Variants in GGACT observed in about 807,000 individuals in gnomAD.
GGACT encodes the protein gamma-glutamylaminecyclotransferase.
For synonymous variants in GGACT, 118 were observed against 115.3 expected (o/e 1.02, Z -0.15); for missense variants, 241 against 233.2 (o/e 1.03, Z -0.22).
chr13:100,558,732 C>T (rs989038867), intron 2 of GGACT, among the ~76,000 whole-genome samples: 6 of 152,144 alleles, frequency 3.9e-5, no homozygotes, highest in South Asian at 2.1e-4. Context: ...ATAAGCCAGG[C>T]GTAGAAAGAC....
chr13:100,574,744 G>A (rs1402653617), intron 2 of GGACT, among the ~76,000 whole-genome samples: 2 of 151,996 alleles, frequency 1.3e-5, no homozygotes, highest in Non-Finnish European at 2.9e-5. Flanking sequence ...CACTACCTGG[G>A]TACAATATGC....
chr13:100,586,741 T>C (rs1292739736), intron 1 of GGACT: 1 of 152,332 alleles, frequency 6.6e-6, no homozygotes, highest in Non-Finnish European at 1.5e-5. Flanking sequence ...GTTCTAGCTA[T>C]TTACCAGGTC....
chr13:100,543,329 T>C (rs2088572748), intron 2 of GGACT, among the ~76,000 whole-genome samples: 1 of 148,040 alleles, frequency 6.8e-6, no homozygotes, highest in Non-Finnish European at 1.5e-5. Context: ...TGCCTCAGCC[T>C]CCTGAGTAGC....
intron 2 of GGACT, among the ~76,000 whole-genome samples, chr13:100,555,032 T>G (rs770646946): frequency 4.6e-5 from 7 of 152,238 alleles, no homozygotes; most frequent in African/African-American, 1.7e-4. Context: ...AAGCCCTGTA[T>G]CTACTCACAG....
chr13:100,558,212 C>T (rs951839993), intron 2 of GGACT, among the ~76,000 whole-genome samples: 8 of 145,238 alleles, frequency 5.5e-5, no homozygotes. Flanking sequence ...GTGGGCAAAA[C>T]AGCCAGGTGC....
intron 2 of GGACT, among the ~76,000 whole-genome samples, chr13:100,573,354 T>C (rs374289570): frequency 8.5e-5 from 13 of 152,176 alleles, no homozygotes; most frequent in African/African-American, 2.4e-4. Context: ...TGTGACTTCA[T>C]TGAAACAATC....
At chr13:100,540,275 T>A in intron 2 of GGACT, 1 of 1,150,836 alleles carries the variant, frequency 8.7e-7, no homozygotes, top group Non-Finnish European at 1.3e-6. Flanking sequence ...GGAGAGAGAG[T>A]GGGCTTTTCT....
rs572347205 is a variant in GGACT at position 100,564,110 on chromosome 13, C to T, written c.-11+19715G>A. ...TTCAACGCTGATGTTCTAGGTCCCT[C>T]GCAAGAGAGTTGGATTTAGTAATTT... On this transcript the variant is annotated intron_variant, in intron 2 of 2. Coordinates refer to ENST00000683975, the MANE Select transcript of GGACT (RefSeq NM_001195087.2). Among the ~76,000 whole-genome samples the T allele has an allele frequency of 2.0e-5, 3 of 152,212 alleles. No individual in the cohort carries two copies. The South Asian group carries it at 6.2e-4, about 32-fold the overall frequency.
intron 2 of GGACT, among the ~76,000 whole-genome samples, chr13:100,568,207 C>G (rs1874966396): frequency 6.6e-6 from 1 of 152,210 alleles, no homozygotes; most frequent in African/African-American, 2.4e-5. Flanking sequence ...TATTTATTGG[C>G]CAACATCCTG....
intron 2 of GGACT, among the ~76,000 whole-genome samples, chr13:100,579,707 G>C (rs1875357176): frequency 6.6e-6 from 1 of 152,156 alleles, no homozygotes; most frequent in East Asian, 1.9e-4. Flanking sequence ...TTTTCCAAAT[G>C]AATTTCCACA....
chr13:100,556,978 C>T (rs191060359), intron 2 of GGACT, among the ~76,000 whole-genome samples: 252 of 152,242 alleles, frequency 1.7e-3, no homozygotes, highest in Middle Eastern at 3.4e-3. Context: ...CAACCTCCAC[C>T]TCCCAGGTTC....
chr13:100,551,416 G>A (rs2088663476), intron 2 of GGACT, among the ~76,000 whole-genome samples: 1 of 152,206 alleles, frequency 6.6e-6, no homozygotes, highest in South Asian at 2.1e-4. Context: ...CCGTGGCAAG[G>A]TGAGGAGGCC....
At chr13:100,560,389 T>C (rs1248172081) in intron 2 of GGACT, among the ~76,000 whole-genome samples, 2 of 152,178 alleles carry the variant, frequency 1.3e-5, no homozygotes, top group East Asian at 3.9e-4. Context: ...CCATAAACAT[T>C]AAGCCTTTTC....
intron 2 of GGACT, among the ~76,000 whole-genome samples, chr13:100,583,599 C>G (rs1271024756): frequency 6.6e-6 from 1 of 152,100 alleles, no homozygotes; most frequent in Non-Finnish European, 1.5e-5. Context: ...AGTGTAATCA[C>G]AGCTCACTGC....
At chr13:100,576,591 G>A (rs1445751622) in intron 2 of GGACT, among the ~76,000 whole-genome samples, 3 of 152,192 alleles carry the variant, frequency 2.0e-5, no homozygotes, top group South Asian at 2.1e-4. Context: ...ACATCCAGAC[G>A]ATGGCGATAA....
At chr13:100,582,482 G>A (rs1875449164) in intron 2 of GGACT, among the ~76,000 whole-genome samples, 1 of 152,196 alleles carries the variant, frequency 6.6e-6, no homozygotes, top group Non-Finnish European at 1.5e-5. Flanking sequence ...ACAGATGTGA[G>A]GACCTTGAGG....
chr13:100,553,925 T>G (rs2088690185), intron 2 of GGACT, among the ~76,000 whole-genome samples: 1 of 151,420 alleles, frequency 6.6e-6, no homozygotes, highest in South Asian at 2.1e-4. Context: ...CACAGGAATC[T>G]TGCACTCTTC....
At chr13:100,543,487 G>C (rs956783507) in intron 2 of GGACT, among the ~76,000 whole-genome samples, 6 of 152,052 alleles carry the variant, frequency 3.9e-5, no homozygotes, top group Non-Finnish European at 7.4e-5. Flanking sequence ...TTGCAGGCAT[G>C]AGCCAGCACG....
intron 2 of GGACT, among the ~76,000 whole-genome samples, chr13:100,581,015 G>C: frequency 6.6e-6 from 1 of 152,240 alleles, no homozygotes; most frequent in East Asian, 1.9e-4. Context: ...TGGGAGGTGA[G>C]AGACAGCAGG....
Sources: allele counts gnomAD v4.1 joint callset (sites outside exome capture counted in the v4.1 genomes callset), GRCh38; gene constraint gnomAD v4.1.1; transcripts MANE v1.5; gene names NCBI Gene and HGNC (gene_info 2026-07-23, HGNC 2026-07-21).